TGFA: variants seen among roughly 807,000 people sequenced by gnomAD.
The protein encoded by TGFA is protransforming growth factor alpha.
TGFA carries 12 observed loss-of-function variants against 21.7 expected under a neutral mutation model. The observed-to-expected ratio is 0.55, with a 90% CI of 0.35 to 0.90. TGFA has a LOEUF of 0.90. TGFA is among the 40% of genes least tolerant of loss of function. The probability of loss-of-function intolerance (pLI) is 0.01; values close to 1 mark genes in which losing one functional copy is unlikely to be tolerated. For synonymous variants in TGFA, 79 were observed against 88.1 expected (o/e 0.90, Z 0.58); for missense variants, 178 against 210.8 (o/e 0.84, Z 0.96).
chr2:70,493,037 T>C (rs1553497919), intron 2 of TGFA, among the ~76,000 whole-genome samples: 1 of 152,242 alleles, frequency 6.6e-6, no homozygotes. Context: ...ACTACATGTA[T>C]ATATTTATCT....
rs199594512 is a variant in TGFA, at chr2:70,453,234, G to T, written c.459C>A (p.Cys153Ter). Residue 153 changes from cysteine (C) to a stop codon, truncating the protein, a stop_gained, in exon 5 of 6, where the codon TGC becomes TGA. Coordinates refer to ENST00000295400, the MANE Select transcript of TGFA (RefSeq NM_003236.4). LOFTEE classifies it high-confidence loss of function. The part of the protein sequence containing the change: ...PSALLKGRTA[C>*]CHSETVV ...TCTCCTTACCTGTTTCTGAGTGGCA[G>T]CAAGCGGTTCTTCCCTTCAGGAGGG... The T allele has an allele frequency of 6.2e-7, 1 of 1,613,856 alleles. No homozygotes were observed. The highest frequency in any genetic ancestry group is 8.5e-7 in the Non-Finnish European group (1 of 1,179,734).
rs1553489518 is a variant in TGFA at position 70,450,875 on chromosome 2, A to G, written c.476-9T>C. 2 of 1,608,022 alleles carry G rather than the reference A, an allele frequency of 1.2e-6. No individual in the cohort carries two copies. The highest frequency in any genetic ancestry group is 2.7e-5 in the African/African-American group (2 of 74,876). ...CTGGGCTCTTCAGACCACTGGCAGGAAGGAAAAACAGGTTAAGCACTGTGG... is the reference window on the plus strand; with the variant it reads ...CTGGGCTCTTCAGACCACTGGCAGGGAGGAAAAACAGGTTAAGCACTGTGG... On this transcript the variant is annotated splice_polypyrimidine_tract_variant and intron_variant, in intron 5 of 5. Transcript: ENST00000295400.
chr2:70,501,521 GAA>G (rs1435951406), intron 2 of TGFA, among the ~76,000 whole-genome samples: 2 of 152,120 alleles, frequency 1.3e-5, no homozygotes, highest in African/African-American at 4.8e-5. Flanking sequence ...AAGAAAGAGA[GAA>G]AGTCAACTTA....
intron 2 of TGFA, among the ~76,000 whole-genome samples, chr2:70,503,582 T>TAAAAAA: frequency 7.0e-6 from 1 of 142,810 alleles, no homozygotes; most frequent in Non-Finnish European, 1.5e-5. Flanking sequence ...ATAATAATAA[T>TAAAAAA]AAAAAAAAAA....
intron 1 of TGFA, among the ~76,000 whole-genome samples, chr2:70,520,797 A>G (rs1354508776): frequency 2.6e-5 from 4 of 151,858 alleles, no homozygotes; most frequent in South Asian, 2.1e-4. Flanking sequence ...ATGCCCAAAC[A>G]CTATCTCCAA....
At chr2:70,504,997 C>T (rs1553499939) in intron 2 of TGFA, among the ~76,000 whole-genome samples, 1 of 152,122 alleles carries the variant, frequency 6.6e-6, no homozygotes, top group East Asian at 1.9e-4. Context: ...AATAGTAGTA[C>T]CTTCTTCTTA....
intron 1 of TGFA, among the ~76,000 whole-genome samples, chr2:70,517,457 C>T (rs1672321176): frequency 6.6e-6 from 1 of 152,190 alleles, no homozygotes; most frequent in Non-Finnish European, 1.5e-5. Context: ...ATGTGTACCA[C>T]TTTTTGGGCA....
intron 2 of TGFA, among the ~76,000 whole-genome samples, chr2:70,468,145 G>C (rs961290291): frequency 6.6e-6 from 1 of 152,180 alleles, no homozygotes; most frequent in African/African-American, 2.4e-5. Context: ...GAATATCCAC[G>C]TGATAAAACC....
rs569303208 is a variant in TGFA, at chr2:70,527,910, C to T, written c.41-12998G>A. Among the ~76,000 whole-genome samples, 14 of 152,334 alleles carry T rather than the reference C, an allele frequency of 9.2e-5. No individual in the cohort carries two copies. The South Asian group carries it at 2.7e-3, about 29-fold the overall frequency. ...GTACAACGTCCTTCTCCTAAGGAAG[C>T]CATGGCAGGGGCAGCTTGAGTCAGA... On this transcript the variant is annotated intron_variant, in intron 1 of 5. Coordinates refer to ENST00000295400, the MANE Select transcript of TGFA (RefSeq NM_003236.4).
At chr2:70,521,134 C>A (rs1353770924) in intron 1 of TGFA, among the ~76,000 whole-genome samples, 1 of 152,140 alleles carries the variant, frequency 6.6e-6, no homozygotes. Flanking sequence ...CTAGACTGAC[C>A]TTGCTGAATG....
At chr2:70,518,810 GTGGACCA>G (rs1672365047) in intron 1 of TGFA, among the ~76,000 whole-genome samples, 1 of 152,230 alleles carries the variant, frequency 6.6e-6, no homozygotes, top group Admixed American at 6.5e-5. Context: ...CCTCAGCAGA[GTGGACCA>G]TGTCCTGCTC....
At chr2:70,528,528 T>TGGG (rs1672712528) in intron 1 of TGFA, among the ~76,000 whole-genome samples, 1 of 66,432 alleles carries the variant, frequency 1.5e-5, no homozygotes, top group African/African-American at 5.9e-5. Flanking sequence ...GGGGGGCGGG[T>TGGG]GGGTCTTCCA....
intron 5 of TGFA, chr2:70,451,766 A>G (rs1670066617): frequency 2.8e-6 from 2 of 702,192 alleles, no homozygotes; most frequent in Non-Finnish European, 5.2e-6. Flanking sequence ...GGTAGCTGAA[A>G]GGAGATGTTG....
At position 70,448,143 on chromosome 2, in the gene TGFA, G is replaced by C. The variant is rs1559091889; in HGVS notation, c.*2716C>G. ...ACAATGGCCAGCCCATCCCTGGCTTGGTTCCACGTGTGTCCAGCCGGGGCC... is the reference window on the plus strand; with the variant it reads ...ACAATGGCCAGCCCATCCCTGGCTTCGTTCCACGTGTGTCCAGCCGGGGCC... On this transcript the variant is annotated 3_prime_UTR_variant, in exon 6 of 6. Coordinates refer to ENST00000295400, the MANE Select transcript of TGFA (RefSeq NM_003236.4). 1 of 152,192 alleles carries C rather than the reference G, an allele frequency of 6.6e-6. No individual in the cohort carries two copies. Among genetic ancestry groups the C allele is most frequent in the Non-Finnish European group, 1.5e-5 (1 of 68,040 alleles). 9.4% of individuals were successfully genotyped at this position (152,192 alleles called of 1,614,324 possible).
chr2:70,509,094 G>A (rs1559126485), intron 2 of TGFA, among the ~76,000 whole-genome samples: 1 of 152,216 alleles, frequency 6.6e-6, no homozygotes, highest in South Asian at 2.1e-4. Context: ...ATGAGTGTAT[G>A]TGGTTTTATC....
intron 2 of TGFA, among the ~76,000 whole-genome samples, chr2:70,500,145 C>T (rs1671693806): frequency 6.6e-6 from 1 of 152,190 alleles, no homozygotes; most frequent in Admixed American, 6.5e-5. Context: ...ATGTGTCAAG[C>T]ACTCCACAGC....
chr2:70,546,282 CA>C (rs1234777346), intron 1 of TGFA, among the ~76,000 whole-genome samples: 1 of 128,858 alleles, frequency 7.8e-6, no homozygotes, highest in Non-Finnish European at 1.7e-5. Flanking sequence ...TAGTGTATTG[CA>C]AAAACCCTTC....
intron 4 of TGFA, among the ~76,000 whole-genome samples, chr2:70,455,230 T>C (rs1394442966): frequency 6.6e-6 from 1 of 152,176 alleles, no homozygotes; most frequent in Non-Finnish European, 1.5e-5. Flanking sequence ...AGGAGAAGGA[T>C]GTGAGCAGGT....
At chr2:70,501,982 C>T (rs1248298835) in intron 2 of TGFA, among the ~76,000 whole-genome samples, 1 of 152,220 alleles carries the variant, frequency 6.6e-6, no homozygotes, top group Non-Finnish European at 1.5e-5. Context: ...CCGTTTTCAC[C>T]TCTGTGCTTG....
Sources: allele counts gnomAD v4.1 joint callset (sites outside exome capture counted in the v4.1 genomes callset), GRCh38; gene constraint gnomAD v4.1.1; transcripts MANE v1.5; gene names NCBI Gene and HGNC (gene_info 2026-07-23, HGNC 2026-07-21).